The following SDK1 variants were observed in gnomAD, a reference collection of about 807,000 sequenced individuals.
SDK1 encodes sidekick cell adhesion molecule 1.
In SDK1, 157 loss-of-function variants were observed where a neutral mutation model predicts 245.5. That is an observed-to-expected ratio of 0.64 (90% CI 0.56 to 0.73). The LOEUF (loss-of-function observed/expected upper bound fraction) is 0.73, where lower values mean the gene tolerates loss of function less well. SDK1 is among the 30% of genes least tolerant of loss of function. The pLI is 0.00. For missense variants in SDK1, 3,583 were observed against 3,002.3 expected, an observed-to-expected ratio of 1.19 and a Z score of -4.52; for synonymous variants, 1,647 against 1,278.5, an observed-to-expected ratio of 1.29 and a Z score of -6.15.
chr7:3,568,821 C>A (rs1780008876), intron 1 of SDK1, among the ~76,000 whole-genome samples: 2 of 152,202 alleles, frequency 1.3e-5, no homozygotes, highest in South Asian at 2.1e-4. Flanking sequence ...AGGCACCACA[C>A]AAATTCCAGC....
intron 14 of SDK1, among the ~76,000 whole-genome samples, chr7:4,000,143 G>A (rs1784966565): frequency 6.6e-6 from 1 of 152,198 alleles, no homozygotes. Flanking sequence ...GGCCCAAGAT[G>A]GCCTAGAGCC....
At chr7:3,766,764 T>G (rs1057308273) in intron 4 of SDK1, among the ~76,000 whole-genome samples, 2 of 152,202 alleles carry the variant, frequency 1.3e-5, no homozygotes, top group Non-Finnish European at 2.9e-5. Flanking sequence ...GGCTTGTTCC[T>G]TTGAATTTTT....
intron 22 of SDK1, among the ~76,000 whole-genome samples, chr7:4,090,742 G>A (rs1196075594): frequency 6.6e-6 from 1 of 152,154 alleles, no homozygotes; most frequent in Non-Finnish European, 1.5e-5. Context: ...GCAGTAGTGT[G>A]CTCATTGCTA....
chr7:3,924,183 A>T (rs1204293651), intron 5 of SDK1, among the ~76,000 whole-genome samples: 1 of 151,626 alleles, frequency 6.6e-6, no homozygotes, highest in African/African-American at 2.4e-5. Context: ...AGGGTCTGGC[A>T]TTGGGGATGG....
chr7:3,477,780 C>T (rs1277390358), intron 1 of SDK1, among the ~76,000 whole-genome samples: 3 of 152,084 alleles, frequency 2.0e-5, no homozygotes, highest in African/African-American at 7.2e-5. Flanking sequence ...TCCCAAAGCA[C>T]AGGGATTACA....
chr7:3,648,294 G>A (rs12701014), intron 4 of SDK1, among the ~76,000 whole-genome samples: 80,594 of 152,074 alleles, frequency 0.53, 22,013 homozygotes, highest in South Asian at 0.65. Context: ...TCTTAACTCT[G>A]TACAGTGCCA....
chr7:3,349,231 C>T (rs902463163), intron 1 of SDK1, among the ~76,000 whole-genome samples: 30 of 152,020 alleles, frequency 2.0e-4, no homozygotes, highest in African/African-American at 6.8e-4. Context: ...AAACACACAA[C>T]AGCCTATTTA....
intron 4 of SDK1, among the ~76,000 whole-genome samples, chr7:3,676,515 CG>C (rs1281254223): frequency 6.6e-6 from 1 of 151,716 alleles, no homozygotes; most frequent in African/African-American, 2.4e-5. Context: ...TTAGTAGAGA[CG>C]GGGTTTCACC....
At chr7:3,490,470 C>G (rs1781833238) in intron 1 of SDK1, among the ~76,000 whole-genome samples, 1 of 152,196 alleles carries the variant, frequency 6.6e-6, no homozygotes, top group South Asian at 2.1e-4. Flanking sequence ...GCCAGTCATT[C>G]CTGTGTTCTG....
chr7:4,247,470 TAAAG>T (rs1268931225), intron 44 of SDK1, among the ~76,000 whole-genome samples: 16 of 152,218 alleles, frequency 1.1e-4, no homozygotes, highest in Admixed American at 6.5e-5. Context: ...CTTTTTGTGA[TAAAG>T]AAAAAGCTTA....
At chr7:4,206,330 C>T (rs1396209668) in intron 36 of SDK1, among the ~76,000 whole-genome samples, 1 of 152,208 alleles carries the variant, frequency 6.6e-6, no homozygotes, top group African/African-American at 2.4e-5. Context: ...CATTCTGGAG[C>T]CCCCAGTACA....
rs77313574 is a variant in SDK1, at chr7:3,627,277, A to G, written c.458+8038A>G. ...ATCCTATTATCCTATTAGTGTGGCT[A>G]CTTCCAGGTGATGTAATAGCTACTA... On this transcript the variant is annotated intron_variant, in intron 2 of 44. Coordinates refer to ENST00000404826, the MANE Select transcript of SDK1 (RefSeq NM_152744.4). 2.0e-3 allele frequency among the ~76,000 whole-genome samples: 312 copies of G among 152,252 alleles called. 4 individuals carry two copies. Among genetic ancestry groups the G allele is most frequent in the African/African-American group, 7.4e-3 (307 of 41,554 alleles).
At chr7:3,772,525 C>A (rs1310801642) in intron 4 of SDK1, among the ~76,000 whole-genome samples, 2 of 152,098 alleles carry the variant, frequency 1.3e-5, no homozygotes, top group East Asian at 3.8e-4. Flanking sequence ...ACCAAAGTTA[C>A]AATGATACTA....
At chr7:4,059,446 G>C (rs1267791245) in intron 19 of SDK1, among the ~76,000 whole-genome samples, 1 of 152,140 alleles carries the variant, frequency 6.6e-6, no homozygotes, top group East Asian at 1.9e-4. Context: ...GATATATAAA[G>C]CAAATATTAT....
chr7:3,494,092 G>C (rs1781948807), intron 1 of SDK1, among the ~76,000 whole-genome samples: 1 of 152,132 alleles, frequency 6.6e-6, no homozygotes, highest in Non-Finnish European at 1.5e-5. Flanking sequence ...TTAGAAGTCA[G>C]ACATGTTCCA....
intron 1 of SDK1, among the ~76,000 whole-genome samples, chr7:3,326,589 G>A (rs1396115693): frequency 6.6e-6 from 1 of 152,124 alleles, no homozygotes; most frequent in East Asian, 1.9e-4. Flanking sequence ...CTTTGGAAAG[G>A]TAGTGTTAGT....
chr7:3,876,951 T>C (rs73312073), intron 5 of SDK1, among the ~76,000 whole-genome samples: 4 of 152,244 alleles, frequency 2.6e-5, no homozygotes, highest in African/African-American at 9.6e-5. Context: ...TGTTCTTTTC[T>C]TAAAGCAAAG....
At chr7:4,225,912 C>G (rs1275263519) in intron 40 of SDK1, among the ~76,000 whole-genome samples, 1 of 151,800 alleles carries the variant, frequency 6.6e-6, no homozygotes, top group East Asian at 1.9e-4. Context: ...ACGATCTCCC[C>G]TTTCGGATCA....
intron 1 of SDK1, among the ~76,000 whole-genome samples, chr7:3,594,000 C>G (rs574299055): frequency 6.6e-6 from 1 of 152,094 alleles, no homozygotes; most frequent in African/African-American, 2.4e-5. Context: ...GTGTGTAATT[C>G]ATGATTTTTA....
Sources: allele counts gnomAD v4.1 joint callset (sites outside exome capture counted in the v4.1 genomes callset), GRCh38; gene constraint gnomAD v4.1.1; transcripts MANE v1.5; gene names NCBI Gene and HGNC (gene_info 2026-07-23, HGNC 2026-07-21).